Variants in RAP1GDS1 observed in about 807,000 individuals in gnomAD.
RAP1GDS1 encodes the protein RAP1, GTP-GDP dissociation stimulator 1.
Under a neutral mutation model 71.1 loss-of-function variants are expected in RAP1GDS1, and 35 were observed. The ratio of observed to expected loss-of-function variants is 0.49; its 90% CI spans 0.38 to 0.65. The LOEUF (loss-of-function observed/expected upper bound fraction) is 0.65. Ranked by LOEUF, RAP1GDS1 falls within the 30% of genes least tolerant of loss-of-function variation. RAP1GDS1 has a pLI of 0.00. For synonymous variants in RAP1GDS1, 229 were observed against 243.1 expected, an observed-to-expected ratio of 0.94 and a Z score of 0.54; for missense variants, 663 against 706.1, an observed-to-expected ratio of 0.94 and a Z score of 0.69.
rs147001137 is a variant in RAP1GDS1 at position 98,351,161 on chromosome 4, A to T, written c.236-1315A>T. Among the ~76,000 whole-genome samples the T allele has an allele frequency of 1.7e-3, 262 of 152,346 alleles. 5 individuals carry two copies. In the South Asian group the frequency reaches 0.026, roughly 15 times the overall value. On this transcript the variant is annotated intron_variant, in intron 3 of 14. Transcript: ENST00000408927. ...TCATTTTCTTAACATGAGTAGTAGG[A>T]TACTTAGTACTACTGAGTTTGATAA...
chr4:98,331,656 A>G (rs941105867), intron 2 of RAP1GDS1, among the ~76,000 whole-genome samples: 1 of 152,278 alleles, frequency 6.6e-6, no homozygotes. Flanking sequence ...CCATTTGACA[A>G]TGTTTCTTAT....
At position 98,392,053 on chromosome 4, in the gene RAP1GDS1, G is replaced by C. The variant is rs1308341972; in HGVS notation, c.610G>C (p.Val204Leu). The change falls in exon 6 of 15, where the codon GTT (valine) becomes CTT (leucine). Residue 204 changes from valine to leucine, a missense_variant. Val to Leu is a conservative substitution (Grantham distance 32). Transcript: ENST00000408927. ...QNAALTEMCL[V>L]AFGNLAELES... The stretch of plus-strand genomic sequence containing the variant: ...TGCAGCTCTTACAGAAATGTGTCTT[G>C]TTGCATTTGGTAATTTAGCAGAACT... 6.2e-7 allele frequency: 1 copy of C among 1,612,022 alleles called. No individual in the cohort carries two copies. Among genetic ancestry groups the C allele is most frequent in the Non-Finnish European group, 8.5e-7 (1 of 1,179,076 alleles).
chr4:98,299,119 C>T (rs527548387), intron 2 of RAP1GDS1, among the ~76,000 whole-genome samples: 1 of 152,282 alleles, frequency 6.6e-6, no homozygotes, highest in South Asian at 2.1e-4. Flanking sequence ...CAAGTGTTCT[C>T]ATTGTTCAAT....
chr4:98,330,247 ATC>A (rs1191155439), intron 2 of RAP1GDS1, among the ~76,000 whole-genome samples: 1 of 152,174 alleles, frequency 6.6e-6, no homozygotes, highest in African/African-American at 2.4e-5. Context: ...TAACAATCTG[ATC>A]TCTCTTTCTT....
chr4:98,390,968 G>C (rs1052998705), intron 5 of RAP1GDS1, among the ~76,000 whole-genome samples: 8 of 152,036 alleles, frequency 5.3e-5, no homozygotes, highest in African/African-American at 1.7e-4. Flanking sequence ...TTATTAGCTT[G>C]AAAATGGCAT....
chr4:98,340,333 C>G (rs188092249), intron 2 of RAP1GDS1, among the ~76,000 whole-genome samples: 3 of 152,266 alleles, frequency 2.0e-5, no homozygotes, highest in Admixed American at 1.3e-4. Flanking sequence ...ACTACATAGT[C>G]ATAAAATGAG....
chr4:98,416,270 C>T (rs1467103047), intron 7 of RAP1GDS1, among the ~76,000 whole-genome samples: 1 of 141,904 alleles, frequency 7.0e-6, no homozygotes, highest in Non-Finnish European at 1.5e-5. Context: ...AATGAACTGT[C>T]AAGATAGTTT....
intron 4 of RAP1GDS1, among the ~76,000 whole-genome samples, chr4:98,361,793 T>C (rs1738790170): frequency 6.6e-6 from 1 of 152,354 alleles, no homozygotes; most frequent in Middle Eastern, 3.4e-3. Context: ...CTTGAAATTT[T>C]CCCACCTAAA....
chr4:98,425,842 A>G (rs953099419), intron 12 of RAP1GDS1, among the ~76,000 whole-genome samples: 2 of 152,198 alleles, frequency 1.3e-5, no homozygotes, highest in Non-Finnish European at 2.9e-5. Flanking sequence ...CAAAGAAACA[A>G]TGGATTTAAA....
At chr4:98,303,969 C>T (rs1026804409) in intron 2 of RAP1GDS1, among the ~76,000 whole-genome samples, 4 of 152,068 alleles carry the variant, frequency 2.6e-5, no homozygotes, top group Admixed American at 1.3e-4. Flanking sequence ...GCTGCTGTTC[C>T]TGTGATAGTT....
At chr4:98,413,806 CAATGGTGG>C (rs1049561713) in intron 7 of RAP1GDS1, among the ~76,000 whole-genome samples, 9 of 152,114 alleles carry the variant, frequency 5.9e-5, no homozygotes, top group Non-Finnish European at 1.3e-4. Context: ...CTGACTTCCA[CAATGGTGG>C]AACTAGTTTA....
chr4:98,278,917 C>T (rs182680799), intron 1 of RAP1GDS1, among the ~76,000 whole-genome samples: 1,872 of 152,176 alleles, frequency 0.012, 18 homozygotes, highest in South Asian at 0.03. Flanking sequence ...AAAAAGTCAT[C>T]ATAGTATAAT....
At chr4:98,343,462 T>C in intron 3 of RAP1GDS1, 1 of 583,942 alleles carries the variant, frequency 1.7e-6, no homozygotes, top group Middle Eastern at 5.1e-4. Context: ...TGATAACCCA[T>C]TCCTTCTCAG....
chr4:98,380,136 CTTG>C (rs1353722704), intron 5 of RAP1GDS1, among the ~76,000 whole-genome samples: 3 of 151,144 alleles, frequency 2.0e-5, no homozygotes, highest in East Asian at 1.9e-4. Context: ...ATATTTGGCC[CTTG>C]TTGTTAGTGA....
At chr4:98,397,327 T>A (rs1744691028) in intron 6 of RAP1GDS1, among the ~76,000 whole-genome samples, 1 of 152,120 alleles carries the variant, frequency 6.6e-6, no homozygotes, top group Admixed American at 6.6e-5. Context: ...AAATTTTAGT[T>A]GGAAACTAAC....
chr4:98,293,901 AG>A, intron 2 of RAP1GDS1, among the ~76,000 whole-genome samples: 1 of 152,228 alleles, frequency 6.6e-6, no homozygotes, highest in African/African-American at 2.4e-5. Context: ...GAGGAGAAAC[AG>A]AGGGGGAGCT....
chr4:98,428,102 G>A (rs1749870108), intron 12 of RAP1GDS1, among the ~76,000 whole-genome samples: 1 of 152,016 alleles, frequency 6.6e-6, no homozygotes, highest in South Asian at 2.1e-4. Context: ...AAACAAAATG[G>A]GGAAAGGGCA....
intron 3 of RAP1GDS1, among the ~76,000 whole-genome samples, chr4:98,346,237 G>C (rs975584016): frequency 1.3e-5 from 2 of 152,118 alleles, no homozygotes; most frequent in South Asian, 2.1e-4. Flanking sequence ...ATATTGCAAA[G>C]TGTTTATCAA....
chr4:98,434,019 T>C lies in RAP1GDS1; in HGVS notation c.1524T>C (p.Asn508=), dbSNP rs1213362963. ...CTAGTGAACATGTAATAATGCAGAA[T>C]GAAGCTCTTGTTGCTTTGGCATTAA... ...MATSEHVIMQ[N]EALVALALIA... is the part of the protein sequence containing the mutation. The change falls in exon 13 of 15, where the codon AAT becomes AAC. Residue 508 remains asparagine (N), a synonymous_variant. Coordinates refer to ENST00000408927, the MANE Select transcript of RAP1GDS1 (RefSeq NM_001100427.2). 6.2e-7 allele frequency: 1 copy of C among 1,613,938 alleles called. No individual in the cohort carries two copies. The highest frequency in any genetic ancestry group is 1.7e-5 in the Admixed American group (1 of 60,030).
Sources: allele counts gnomAD v4.1 joint callset (sites outside exome capture counted in the v4.1 genomes callset), GRCh38; gene constraint gnomAD v4.1.1; transcripts MANE v1.5; gene names NCBI Gene and HGNC (gene_info 2026-07-23, HGNC 2026-07-21).